The following ALMS1 variants were observed in gnomAD, a reference collection of about 807,000 sequenced individuals.
The protein encoded by ALMS1 is centrosome-associated protein ALMS1.
In ALMS1, 271 loss-of-function variants were observed where a neutral mutation model predicts 352.2. That is an observed-to-expected ratio of 0.77 (90% CI 0.70 to 0.85). ALMS1 has a LOEUF of 0.85. ALMS1 is among the 40% of genes least tolerant of loss of function. The pLI is 0.00. For synonymous variants in ALMS1, 1,865 were observed against 1,761.2 expected, an observed-to-expected ratio of 1.06 and a Z score of -1.48; for missense variants, 5,445 against 4,870.7, an observed-to-expected ratio of 1.12 and a Z score of -3.51.
intron 1 of ALMS1, among the ~76,000 whole-genome samples, chr2:73,402,349 C>G (rs1220511876): frequency 6.8e-6 from 1 of 146,230 alleles, no homozygotes; most frequent in African/African-American, 2.5e-5. Flanking sequence ...TCTCAACTCA[C>G]TGCAACCTCC....
At chr2:73,551,100 C>T (rs1674422415) in intron 13 of ALMS1, among the ~76,000 whole-genome samples, 1 of 152,148 alleles carries the variant, frequency 6.6e-6, no homozygotes, top group Non-Finnish European at 1.5e-5. Flanking sequence ...CTCAAGCTGT[C>T]TACCAGCCTC....
At chr2:73,544,810 C>T (rs1024158319) in intron 12 of ALMS1, among the ~76,000 whole-genome samples, 2 of 152,168 alleles carry the variant, frequency 1.3e-5, no homozygotes, top group African/African-American at 4.8e-5. Context: ...AACCCAATGT[C>T]TATTGATCTA....
rs769510218 is a variant in ALMS1, at chr2:73,600,646, C to T, written c.11669-32C>T. 4 of 1,591,732 alleles carry T rather than the reference C, an allele frequency of 2.5e-6. No individual in the cohort carries two copies. The South Asian group carries it at 3.4e-5, about 14-fold the overall frequency. ...ATCTGTCAACTCAGCCTCAAGGTTA[C>T]TCCCAGAGACACCTATGATCCTTCC... On this transcript the variant is annotated intron_variant, in intron 17 of 22. Transcript: ENST00000613296.
At chr2:73,462,849 A>G (rs1163178184) in intron 9 of ALMS1, 1 of 152,096 alleles carries the variant, frequency 6.6e-6, no homozygotes, top group Non-Finnish European at 1.5e-5. Context: ...AAAGATCAAA[A>G]GAGACAAAGA....
intron 13 of ALMS1, among the ~76,000 whole-genome samples, chr2:73,551,802 GATA>G (rs1674441513): frequency 6.6e-6 from 1 of 152,006 alleles, no homozygotes; most frequent in South Asian, 2.1e-4. Context: ...GCTGATAGAT[GATA>G]ATATTTATTA....
chr2:73,432,305 G>A lies in ALMS1; in HGVS notation c.1432+14G>A, dbSNP rs1204922039. 2.5e-6 allele frequency: 4 copies of A among 1,582,684 alleles called. No individual in the cohort carries two copies. The highest frequency in any genetic ancestry group is 3.5e-6 in the Non-Finnish European group (4 of 1,151,840). ...ATTTAAAAGCAGGTACGTAGAAAAA[G>A]GAGATAGTAAATGTCCTACTTACGG... On this transcript the variant is annotated intron_variant, in intron 7 of 22. Coordinates refer to ENST00000613296, the MANE Select transcript of ALMS1 (RefSeq NM_001378454.1).
chr2:73,483,396 T>G (rs1672756751), intron 9 of ALMS1, among the ~76,000 whole-genome samples: 1 of 151,864 alleles, frequency 6.6e-6, no homozygotes, highest in Non-Finnish European at 1.5e-5. Context: ...AGTGAGATTC[T>G]TAATCTTGAG....
chr2:73,393,644 A>G (rs1302904508), intron 1 of ALMS1, among the ~76,000 whole-genome samples: 2 of 152,128 alleles, frequency 1.3e-5, no homozygotes, highest in Non-Finnish European at 2.9e-5. Flanking sequence ...CCCACTTGGA[A>G]GAATAGGCAG....
chr2:73,408,864 C>CTTTTT (rs58686365), intron 2 of ALMS1, 117 bp downstream of exon 2: 13 of 188,546 alleles, frequency 6.9e-5, no homozygotes, highest in East Asian at 2.0e-4. Context: ...GTTTTCTTGT[C>CTTTTT]TTTTTTTTTT....
intron 1 of ALMS1, among the ~76,000 whole-genome samples, chr2:73,396,710 T>TAA (rs1670769870): frequency 6.6e-6 from 1 of 150,862 alleles, no homozygotes; most frequent in Non-Finnish European, 1.5e-5. Flanking sequence ...AGTGGCGCGA[T>TAA]CTCAGCTCAC....
intron 2 of ALMS1, among the ~76,000 whole-genome samples, chr2:73,417,787 TTCATA>T (rs1460706950): frequency 1.3e-5 from 2 of 152,236 alleles, no homozygotes; most frequent in African/African-American, 2.4e-5. Context: ...TGAAAATACT[TTCATA>T]TCATGATAGA....
At chr2:73,475,650 T>C (rs1672566993) in intron 9 of ALMS1, among the ~76,000 whole-genome samples, 1 of 152,100 alleles carries the variant, frequency 6.6e-6, no homozygotes, top group African/African-American at 2.4e-5. Context: ...ACCAATATTT[T>C]CTCCCATTCT....
intron 19 of ALMS1, 59 bp from the exon 20 acceptor site, chr2:73,602,126 G>T (rs1459908425): frequency 6.5e-7 from 1 of 1,534,660 alleles, no homozygotes; most frequent in Non-Finnish European, 8.9e-7. Flanking sequence ...CAGGCATATG[G>T]AGAGTAGATT....
At position 73,541,116 on chromosome 2, in the gene ALMS1, T is replaced by G. The variant is rs150920199; in HGVS notation, c.9907+6167T>G. On this transcript the variant is annotated intron_variant, in intron 12 of 22. Transcript: ENST00000613296. Reference sequence around the variant, plus strand: ...ACCTATTCCAAAAGTGACCACATAGTTGGAAGTAAAGCACTCCTCAGCAAA... The same window carrying G: ...ACCTATTCCAAAAGTGACCACATAGGTGGAAGTAAAGCACTCCTCAGCAAA... Among the ~76,000 whole-genome samples, 1,499 of 152,292 alleles carry G rather than the reference T, an allele frequency of 9.8e-3. 28 individuals carry two copies. Among genetic ancestry groups the G allele is most frequent in the African/African-American group, 0.034 (1,407 of 41,544 alleles).
intron 12 of ALMS1, among the ~76,000 whole-genome samples, chr2:73,540,477 A>G (rs1465748655): frequency 2.0e-5 from 3 of 152,228 alleles, no homozygotes; most frequent in East Asian, 1.9e-4. Context: ...AACGAGCAAA[A>G]TAACCAGCTA....
chr2:73,543,882 G>A (rs1035305734), intron 12 of ALMS1, among the ~76,000 whole-genome samples: 1 of 152,102 alleles, frequency 6.6e-6, no homozygotes, highest in Admixed American at 6.5e-5. Flanking sequence ...CTGGAGAGGA[G>A]GTGGAGAAAT....
Position 73,550,389 on chromosome 2 carries a change from A to G in ALMS1, c.10030A>G (p.Lys3344Glu), listed in dbSNP as rs1674404816. ...EGIYSKRVVT[K>E]ASLPVGEKPL... ...AATCTACAGTAAGAGGGTAGTGACT[A>G]AGGCATCCTTGCCAGTGGGAGAAAA... The change falls in exon 13 of 23, where the codon AAG becomes GAG. Residue 3344 changes from lysine to glutamate, a missense_variant. By Grantham distance (56) the Lys-to-Glu change is moderately conservative. Coordinates refer to ENST00000613296, the MANE Select transcript of ALMS1 (RefSeq NM_001378454.1). The G allele has an allele frequency of 6.2e-7, 1 of 1,614,228 alleles. No individual in the cohort carries two copies. The highest frequency in any genetic ancestry group is 8.5e-7 in the Non-Finnish European group (1 of 1,180,032).
intron 19 of ALMS1, 100 bp downstream of exon 19, chr2:73,601,536 C>G (rs933501960): frequency 1.3e-6 from 2 of 1,523,356 alleles, no homozygotes; most frequent in African/African-American, 2.8e-5. Context: ...AGGTGTAGGC[C>G]TGAGACGCTC....
rs1168470107 is a variant in ALMS1, at chr2:73,609,837, A to C, written c.*225A>C. 7.3e-6 allele frequency: 4 copies of C among 544,810 alleles called. No individual in the cohort carries two copies. The highest frequency in any genetic ancestry group is 9.9e-6 in the Non-Finnish European group (3 of 303,312). The allele number at this position is 544,810 out of a possible 1,614,324, so 33.7% of individuals were successfully genotyped here. A position where few individuals can be genotyped will look rare whatever the true frequency, so the allele number is the denominator to read the frequency against. On this transcript the variant is annotated 3_prime_UTR_variant, in exon 23 of 23. Transcript: ENST00000613296. ...CCTTGTCCAATGGCCTGTGTGTTAC[A>C]ATGATATGATCATTTCTCAAGAATA...
Sources: allele counts gnomAD v4.1 joint callset (sites outside exome capture counted in the v4.1 genomes callset), GRCh38; gene constraint gnomAD v4.1.1; transcripts MANE v1.5; gene names NCBI Gene and HGNC (gene_info 2026-07-23, HGNC 2026-07-21).